Variants in CTNNB1 observed in about 807,000 individuals in gnomAD.
CTNNB1 encodes the protein catenin beta 1.
In CTNNB1, 6 loss-of-function variants were observed where a neutral mutation model predicts 82.5. That is an observed-to-expected ratio of 0.07 (90% confidence interval 0.04 to 0.14). The LOEUF is 0.14. CTNNB1 is among the 10% of genes least tolerant of loss of function. The pLI, the probability that CTNNB1 is intolerant of heterozygous loss-of-function variation, is 1.00. For synonymous variants in CTNNB1, 312 were observed against 329.7 expected, an observed-to-expected ratio of 0.95 and a Z score of 0.58; for missense variants, 529 against 980.4, an observed-to-expected ratio of 0.54 and a Z score of 6.15.
chr3:41,215,337 C>T (rs193077996), intron 1 of CTNNB1, among the ~76,000 whole-genome samples: 207 of 139,902 alleles, frequency 1.5e-3, no homozygotes, highest in Admixed American at 4.5e-3. Flanking sequence ...GAGCCAAGAT[C>T]GCGCCACTGC....
At chr3:41,226,044 A>G (rs1357765325) in intron 6 of CTNNB1, among the ~76,000 whole-genome samples, 183 bp downstream of exon 6, 1 of 152,100 alleles carries the variant, frequency 6.6e-6, no homozygotes, top group Non-Finnish European at 1.5e-5. Context: ...ATAATCAGGC[A>G]TTAGATTCTC....
At chr3:41,215,159 C>T (rs1369963021) in intron 1 of CTNNB1, among the ~76,000 whole-genome samples, 6 of 144,184 alleles carry the variant, frequency 4.2e-5, no homozygotes, top group African/African-American at 1.0e-4. Flanking sequence ...TGGTGGATCA[C>T]GAGGGCAGGA....
In CTNNB1 at chr3:41,206,884, G is replaced by A. The variant is rs1013518872; in HGVS notation, c.-49+7214G>A. Among the ~76,000 whole-genome samples the A allele has an allele frequency of 4.6e-5, 7 of 152,222 alleles. No homozygotes were observed. In the East Asian group the frequency reaches 7.7e-4, roughly 17 times the overall value. On this transcript the variant is annotated intron_variant, in intron 1 of 14. Coordinates refer to ENST00000349496, the MANE Select transcript of CTNNB1 (RefSeq NM_001904.4). The stretch of plus-strand genomic sequence containing the variant: ...CATTGAAAGAATGTCCTCAAACTTC[G>A]CTTATACTTTATAGTTCATTTAGAT...
At chr3:41,199,864 G>A (rs901398299) in intron 1 of CTNNB1, 194 bp downstream of exon 1, 1 of 151,208 alleles carries the variant, frequency 6.6e-6, no homozygotes, top group African/African-American at 2.4e-5. Context: ...GGCCGGGCCC[G>A]GGTTCCGGTC....
chr3:41,237,892 TG>T (rs1335694494), intron 13 of CTNNB1, 123 bp from the exon 14 acceptor site: 1 of 800,282 alleles, frequency 1.2e-6, no homozygotes, highest in Non-Finnish European at 2.2e-6. Context: ...TCTAAGCATT[TG>T]TGTAATGTTG....
chr3:41,238,153 T>C lies in CTNNB1; in HGVS notation c.2137+77T>C, dbSNP rs993812375. 3.7e-6 allele frequency: 5 copies of C among 1,334,100 alleles called. No homozygotes were observed. In the African/African-American group the frequency reaches 7.2e-5, roughly 19 times the overall value. 82.6% of individuals were successfully genotyped at this position (1,334,100 alleles called of 1,614,324 possible). On this transcript the variant is annotated intron_variant, in intron 14 of 14. Coordinates refer to ENST00000349496, the MANE Select transcript of CTNNB1 (RefSeq NM_001904.4). ...ACTTTTATCAGAAGAGCCGGTTTGC[T>C]CATCTGGGAAACCAGTGTTGGCAGA...
At chr3:41,221,253 C>T (rs2078043412) in intron 1 of CTNNB1, 1 of 152,044 alleles carries the variant, frequency 6.6e-6, no homozygotes, top group South Asian at 2.1e-4. Flanking sequence ...GCATGCCTAG[C>T]CTATATAGTA....
chr3:41,212,706 T>G (rs2077822502), intron 1 of CTNNB1, among the ~76,000 whole-genome samples: 1 of 152,236 alleles, frequency 6.6e-6, no homozygotes, highest in African/African-American at 2.4e-5. Context: ...GCAATTATGT[T>G]GGAGAGTACA....
chr3:41,223,154 A>G (rs1256518314), intron 1 of CTNNB1, among the ~76,000 whole-genome samples: 1 of 152,192 alleles, frequency 6.6e-6, no homozygotes, highest in East Asian at 1.9e-4. Flanking sequence ...TTATAGTTCA[A>G]GATGAACTTG....
At chr3:41,210,556 C>T (rs1444168853) in intron 1 of CTNNB1, among the ~76,000 whole-genome samples, 4 of 152,190 alleles carry the variant, frequency 2.6e-5, no homozygotes, top group Non-Finnish European at 5.9e-5. Flanking sequence ...ACATCTTGTC[C>T]TTCTGGAATG....
chr3:41,214,815 G>C (rs564806381), intron 1 of CTNNB1, among the ~76,000 whole-genome samples: 6 of 152,008 alleles, frequency 3.9e-5, no homozygotes, highest in Non-Finnish European at 8.8e-5. Context: ...ATTTTGTGAC[G>C]TGAAAATTAT....
intron 1 of CTNNB1, among the ~76,000 whole-genome samples, chr3:41,211,343 T>C (rs1029669706): frequency 7.2e-5 from 11 of 152,332 alleles, no homozygotes; most frequent in African/African-American, 2.4e-4. Context: ...CATTTCTCAC[T>C]GAAGCCATGC....
intron 1 of CTNNB1, among the ~76,000 whole-genome samples, chr3:41,216,174 T>C (rs2077913444): frequency 6.6e-6 from 1 of 152,206 alleles, no homozygotes; most frequent in South Asian, 2.1e-4. Context: ...GTCTTCTTTA[T>C]GAGGTTGCTA....
intron 1 of CTNNB1, 41 bp from the exon 2 acceptor site, chr3:41,223,980 C>T (rs960567648): frequency 1.4e-6 from 2 of 1,398,264 alleles, no homozygotes; most frequent in African/African-American, 2.8e-5. Context: ...ATTAATCAAG[C>T]TAAATTTAAA....
chr3:41,221,950 CTTTTTG>C (rs1396350964), intron 1 of CTNNB1: 3 of 152,088 alleles, frequency 2.0e-5, no homozygotes, highest in Non-Finnish European at 2.9e-5. Flanking sequence ...TTCTATTCAA[CTTTTTG>C]TTTTTATTTA....
Position 41,239,986 on chromosome 3 carries a change from CTTTT to C in CTNNB1, c.*666_*669del, listed in dbSNP as rs1207330730. On this transcript the variant is annotated 3_prime_UTR_variant, in exon 15 of 15. Transcript: ENST00000349496. ...TGACTTTGCTTGCTTTGAAGTAGCT[CTTTT>C]TTTTTTTTTTTTTTTTTTTTTGCAG... 0.041 allele frequency: 1,325 copies of C among 32,556 alleles called. 16 individuals carry two copies. The highest frequency in any genetic ancestry group is 0.11 in the African/African-American group (1,005 of 8,924). 2.0% of individuals were successfully genotyped at this position (32,556 alleles called of 1,614,324 possible). A position where few individuals can be genotyped will look rare whatever the true frequency, so the allele number is the denominator to read the frequency against.
intron 7 of CTNNB1, among the ~76,000 whole-genome samples, chr3:41,231,456 G>A (rs539566559): frequency 6.6e-6 from 1 of 152,280 alleles, no homozygotes; most frequent in African/African-American, 2.4e-5. Context: ...GCCATAACAT[G>A]CAGGACTTTC....
chr3:41,206,480 T>A (rs2077651730), intron 1 of CTNNB1, among the ~76,000 whole-genome samples: 1 of 152,136 alleles, frequency 6.6e-6, no homozygotes. Flanking sequence ...GAAGTTAAAT[T>A]TACTGCAAAA....
Position 41,233,338 on chromosome 3 carries a change from T to C in CTNNB1, c.1082-3T>C. On this transcript the variant is annotated splice_region_variant and splice_polypyrimidine_tract_variant and intron_variant, in intron 7 of 14. Coordinates refer to ENST00000349496, the MANE Select transcript of CTNNB1 (RefSeq NM_001904.4). ...GGGCCTTATATCCTTTTTAATTTTC[T>C]AGGTGGAATGCAAGCTTTAGGACTT... 1 of 1,614,016 alleles carries C rather than the reference T, an allele frequency of 6.2e-7. No homozygotes were observed. Among genetic ancestry groups the C allele is most frequent in the Non-Finnish European group, 8.5e-7 (1 of 1,179,866 alleles).
Sources: gnomAD v4.1 joint callset for allele counts (sites outside exome capture counted in the v4.1 genomes callset) on GRCh38, gnomAD v4.1.1 for gene constraint, MANE v1.5 for transcripts, NCBI Gene and HGNC (gene_info 2026-07-23, HGNC 2026-07-21) for gene names.